Variants in MYO1E observed in about 807,000 individuals in gnomAD.
MYO1E encodes the protein myosin IE.
In MYO1E, 68 loss-of-function variants were observed where a neutral mutation model predicts 151.1. The observed-to-expected ratio is 0.45, with a 90% CI of 0.37 to 0.55. The LOEUF (loss-of-function observed/expected upper bound fraction) is 0.55, where lower values mean the gene tolerates loss of function less well. Among genes scored for constraint, MYO1E ranks in the 20% least tolerant of loss-of-function variants. MYO1E has a pLI of 0.00. For missense variants in MYO1E, 1,363 were observed against 1,389.3 expected (o/e 0.98, Z 0.30); for synonymous variants, 601 against 501.7 (o/e 1.20, Z -2.64).
intron 26 of MYO1E, among the ~76,000 whole-genome samples, chr15:59,146,521 G>C (rs753780766): frequency 6.6e-6 from 1 of 151,868 alleles, no homozygotes; most frequent in Non-Finnish European, 1.5e-5. Flanking sequence ...TCACATGTTG[G>C]TCAGCCTGGT....
intron 2 of MYO1E, among the ~76,000 whole-genome samples, chr15:59,266,063 A>G (rs1376593792): frequency 6.6e-6 from 1 of 152,242 alleles, no homozygotes; most frequent in African/African-American, 2.4e-5. Context: ...AACATATCGT[A>G]GTTATTTCCG....
intron 3 of MYO1E, among the ~76,000 whole-genome samples, chr15:59,257,333 T>C (rs1333440850): frequency 5.3e-5 from 8 of 152,182 alleles, no homozygotes; most frequent in East Asian, 1.9e-4. Flanking sequence ...CTGGGTGTGG[T>C]AGCACATGCC....
At chr15:59,257,955 G>A (rs1375165669) in intron 3 of MYO1E, among the ~76,000 whole-genome samples, 1 of 152,142 alleles carries the variant, frequency 6.6e-6, no homozygotes. Flanking sequence ...AGAATGCTTC[G>A]TGAATAAGGC....
At chr15:59,253,901 C>CTTTTTTTTTTTTTTTTTTTTTTT (rs34819314) in intron 4 of MYO1E, among the ~76,000 whole-genome samples, 11 of 135,850 alleles carry the variant, frequency 8.1e-5, no homozygotes, top group Non-Finnish European at 1.4e-4. Context: ...GACAAACAAC[C>CTTTTTTTTTTTTTTTTTTTTTTT]TTTTTTTTTT....
intron 3 of MYO1E, among the ~76,000 whole-genome samples, chr15:59,258,730 GTA>G (rs2080208288): frequency 6.6e-6 from 1 of 152,132 alleles, no homozygotes; most frequent in South Asian, 2.1e-4. Context: ...GTGTGTGCCT[GTA>G]GTCCCAGCTA....
chr15:59,171,845 G>A (rs561171405), intron 22 of MYO1E, 52 bp downstream of exon 22: 22 of 1,612,360 alleles, frequency 1.4e-5, no homozygotes, highest in East Asian at 6.7e-5. Context: ...ACAGCGGACC[G>A]TGATGCTGAG....
intron 17 of MYO1E, among the ~76,000 whole-genome samples, chr15:59,195,090 G>C (rs1185283040): frequency 6.6e-6 from 1 of 152,130 alleles, no homozygotes; most frequent in Non-Finnish European, 1.5e-5. Flanking sequence ...AGCATTCTAG[G>C]CCACATCCTG....
intron 27 of MYO1E, 65 bp downstream of exon 27, chr15:59,138,133 A>T: frequency 6.3e-7 from 1 of 1,575,660 alleles, no homozygotes; most frequent in East Asian, 2.2e-5. Context: ...TTCACACTAG[A>T]TCTTACAGCA....
intron 3 of MYO1E, among the ~76,000 whole-genome samples, chr15:59,257,955 G>C (rs1375165669): frequency 6.6e-6 from 1 of 152,142 alleles, no homozygotes; most frequent in Non-Finnish European, 1.5e-5. Flanking sequence ...AGAATGCTTC[G>C]TGAATAAGGC....
intron 11 of MYO1E, 102 bp downstream of exon 11, chr15:59,214,534 GGTTT>G: frequency 8.6e-7 from 1 of 1,158,974 alleles, no homozygotes; most frequent in Middle Eastern, 1.9e-4. Flanking sequence ...TTGTTGTTGT[GGTTT>G]GTTTTCTGTT....
At chr15:59,182,499 C>T (rs545955157) in intron 18 of MYO1E, among the ~76,000 whole-genome samples, 2 of 152,286 alleles carry the variant, frequency 1.3e-5, no homozygotes, top group African/African-American at 4.8e-5. Flanking sequence ...AGGCATTGAG[C>T]CATCTTGCCC....
intron 1 of MYO1E, among the ~76,000 whole-genome samples, chr15:59,308,607 G>A (rs2080530152): frequency 6.6e-6 from 1 of 151,648 alleles, no homozygotes; most frequent in South Asian, 2.1e-4. Flanking sequence ...GGGAGGTGGA[G>A]GTTGCAGTGA....
At chr15:59,304,334 C>T (rs765128010) in intron 1 of MYO1E, among the ~76,000 whole-genome samples, 12 of 152,102 alleles carry the variant, frequency 7.9e-5, no homozygotes, top group Non-Finnish European at 1.3e-4. Flanking sequence ...TGGCCAAGGT[C>T]ACATATAAAG....
At chr15:59,337,986 T>A (rs2080739917) in intron 1 of MYO1E, among the ~76,000 whole-genome samples, 1 of 152,224 alleles carries the variant, frequency 6.6e-6, no homozygotes, top group Non-Finnish European at 1.5e-5. Context: ...TAAACTCCTT[T>A]TTTTCCTCCT....
In MYO1E at chr15:59,143,281, G is replaced by C. The variant is rs567708982; in HGVS notation, c.3081-4914C>G. ...CTAGTAACTCCACAGGTGAGAGGTGGGGGAGGCCAGGGCAGCTTTGAGATG... is the reference window on the plus strand; with the variant it reads ...CTAGTAACTCCACAGGTGAGAGGTGCGGGAGGCCAGGGCAGCTTTGAGATG... On this transcript the variant is annotated intron_variant, in intron 26 of 27. Transcript: ENST00000288235. Among the ~76,000 whole-genome samples, 250 of 152,274 alleles carry C rather than the reference G, an allele frequency of 1.6e-3. 2 individuals are homozygous for C. Among genetic ancestry groups the C allele is most frequent in the African/African-American group, 5.7e-3 (237 of 41,544 alleles).
intron 1 of MYO1E, among the ~76,000 whole-genome samples, chr15:59,303,716 T>C (rs1359386835): frequency 6.6e-6 from 1 of 152,080 alleles, no homozygotes; most frequent in African/African-American, 2.4e-5. Context: ...TTTGCCCCTC[T>C]CCCTGGCTCA....
chr15:59,355,406 T>G (rs1345469613), intron 1 of MYO1E, among the ~76,000 whole-genome samples: 1 of 152,180 alleles, frequency 6.6e-6, no homozygotes, highest in East Asian at 1.9e-4. Context: ...GGTTACCTAC[T>G]CCTGCCACTC....
chr15:59,339,916 C>T (rs1010772529), intron 1 of MYO1E, among the ~76,000 whole-genome samples: 4 of 151,686 alleles, frequency 2.6e-5, no homozygotes, highest in African/African-American at 7.3e-5. Context: ...GGCACAATCC[C>T]GGCTTACTGC....
At position 59,178,421 on chromosome 15, in the gene MYO1E, C is replaced by T; in HGVS notation, c.2021G>A (p.Ser674Asn). 6.2e-7 allele frequency: 1 copy of T among 1,614,238 alleles called. No homozygotes were observed. Among genetic ancestry groups the T allele is most frequent in the Non-Finnish European group, 8.5e-7 (1 of 1,180,048 alleles). Residue 674 changes from serine to asparagine, a missense_variant, in exon 19 of 28, where the codon AGT becomes AAT. Transcript: ENST00000288235. ...MDSDQFQLGR[S>N]KVFIKAPESL... ...CTCGGGGGCTTTGATGAACACTTTACTCCTCCCCAGCTGGAACTGGTCGCT... is the reference window on the plus strand; with the variant it reads ...CTCGGGGGCTTTGATGAACACTTTATTCCTCCCCAGCTGGAACTGGTCGCT...
Sources: gnomAD v4.1 joint callset for allele counts (sites outside exome capture counted in the v4.1 genomes callset) on GRCh38, gnomAD v4.1.1 for gene constraint, MANE v1.5 for transcripts, NCBI Gene and HGNC (gene_info 2026-07-23, HGNC 2026-07-21) for gene names.